PRELID2: variants seen among roughly 807,000 people sequenced by gnomAD.
The protein encoded by PRELID2 is PRELI domain containing 2.
A neutral mutation model predicts 28.4 loss-of-function variants in PRELID2; 25 were observed. The observed-to-expected ratio is 0.88, with a 90% CI of 0.64 to 1.23. The LOEUF is 1.23. Ranked by LOEUF, PRELID2 falls within the 50% of genes most tolerant of loss-of-function variation. The pLI, the probability that PRELID2 is intolerant of heterozygous loss-of-function variation, is 0.00. For synonymous variants in PRELID2, 76 were observed against 71.6 expected, an observed-to-expected ratio of 1.06 and a Z score of -0.31; for missense variants, 201 against 214.4, an observed-to-expected ratio of 0.94 and a Z score of 0.39.
intron 1 of PRELID2, among the ~76,000 whole-genome samples, chr5:145,666,806 T>C (rs944081955): frequency 3.3e-5 from 5 of 152,112 alleles, no homozygotes; most frequent in Non-Finnish European, 7.4e-5. Flanking sequence ...GAAGGAAATT[T>C]ATGTGTTGTA....
intron 1 of PRELID2, among the ~76,000 whole-genome samples, chr5:145,564,123 A>C (rs1409730955): frequency 6.6e-6 from 1 of 152,228 alleles, no homozygotes; most frequent in Non-Finnish European, 1.5e-5. Flanking sequence ...TTAGACAACC[A>C]AAGTTAAAAT....
intron 1 of PRELID2, among the ~76,000 whole-genome samples, chr5:145,587,517 C>T (rs1472160654): frequency 6.6e-6 from 1 of 152,118 alleles, no homozygotes; most frequent in African/African-American, 2.4e-5. Flanking sequence ...TCTAACTTTG[C>T]AGGAGATACT....
the PRELID2 span, among the ~76,000 whole-genome samples, chr5:145,282,647 G>C: frequency 2.8e-4 from 43 of 151,892 alleles, no homozygotes; most frequent in Admixed American, 2.8e-3. Context: ...AGCCTCCTGA[G>C]TACCTGGGAT....
the PRELID2 span, among the ~76,000 whole-genome samples, chr5:145,373,872 T>C: frequency 1.0e-5 from 1 of 98,000 alleles, no homozygotes; most frequent in Non-Finnish European, 1.9e-5. Context: ...TTACAACATA[T>C]ATAATATATA....
chr5:145,696,653 G>A (rs10070626), intron 1 of PRELID2, among the ~76,000 whole-genome samples: 18,354 of 151,646 alleles, frequency 0.12, 1,463 homozygotes, highest in East Asian at 0.32. Flanking sequence ...TTGTAGAGAC[G>A]GAGTTGCACC....
chr5:145,504,784 T>C (rs183540014), intron 1 of PRELID2, among the ~76,000 whole-genome samples: 12 of 152,330 alleles, frequency 7.9e-5, no homozygotes, highest in African/African-American at 2.6e-4. Context: ...TTGATTATTG[T>C]CTACTTCATT....
At chr5:145,667,037 G>A (rs192943696) in intron 1 of PRELID2, among the ~76,000 whole-genome samples, 17 of 152,164 alleles carry the variant, frequency 1.1e-4, no homozygotes, top group Admixed American at 9.8e-4. Context: ...AACAGGGAAT[G>A]AGAGGTCTCT....
the PRELID2 span, among the ~76,000 whole-genome samples, chr5:145,410,810 AAC>A: frequency 6.6e-6 from 1 of 152,114 alleles, no homozygotes; most frequent in South Asian, 2.1e-4. Flanking sequence ...TACATTAAAA[AAC>A]ACAGTCATAC....
At chr5:145,230,166 T>C in the PRELID2 span, 1 of 414,644 alleles carries the variant, frequency 2.4e-6, no homozygotes, top group Non-Finnish European at 4.6e-6. Context: ...GCTGGCAACC[T>C]AGTGGGGCTG....
chr5:145,384,192 T>C, the PRELID2 span, among the ~76,000 whole-genome samples: 3 of 152,160 alleles, frequency 2.0e-5, no homozygotes, highest in African/African-American at 4.8e-5. Flanking sequence ...GAACTGGGCA[T>C]TTCATACTTC....
At chr5:145,390,202 A>G in the PRELID2 span, among the ~76,000 whole-genome samples, 1 of 152,212 alleles carries the variant, frequency 6.6e-6, no homozygotes, top group African/African-American at 2.4e-5. Context: ...TGAAGCATGA[A>G]GGATTAGAAG....
the PRELID2 span, among the ~76,000 whole-genome samples, chr5:145,266,729 T>C: frequency 3.9e-5 from 6 of 152,174 alleles, no homozygotes; most frequent in Non-Finnish European, 8.8e-5. Flanking sequence ...ATGAAAAAGA[T>C]ACTTGCACAC....
chr5:145,813,920 G>C (rs1364436503), intron 4 of PRELID2, among the ~76,000 whole-genome samples: 1 of 152,098 alleles, frequency 6.6e-6, no homozygotes, highest in Non-Finnish European at 1.5e-5. Context: ...AGAATAAGTG[G>C]GAAAATATGT....
chr5:145,711,679 G>A (rs976036522), intron 1 of PRELID2, among the ~76,000 whole-genome samples: 1 of 152,014 alleles, frequency 6.6e-6, no homozygotes, highest in Non-Finnish European at 1.5e-5. Flanking sequence ...TAGGAGAACT[G>A]AGAGAATCCC....
intron 1 of PRELID2, among the ~76,000 whole-genome samples, chr5:145,489,238 T>C (rs1272491821): frequency 6.6e-6 from 1 of 152,222 alleles, no homozygotes; most frequent in African/African-American, 2.4e-5. Flanking sequence ...CAGTTTATCT[T>C]AATTTCAACT....
At chr5:145,642,919 A>C (rs62392281) in intron 1 of PRELID2, among the ~76,000 whole-genome samples, 10,876 of 151,922 alleles carry the variant, frequency 0.072, 989 homozygotes, top group African/African-American at 0.21. Context: ...GTTACTATAG[A>C]CTTGTAGTAT....
chr5:145,270,941 G>A, the PRELID2 span, among the ~76,000 whole-genome samples: 2 of 152,096 alleles, frequency 1.3e-5, no homozygotes, highest in Non-Finnish European at 2.9e-5. Flanking sequence ...ATGGCTGGGG[G>A]AGGCCTCAGG....
chr5:145,825,932 A>G (rs746893994), intron 1 of PRELID2: 3 of 729,944 alleles, frequency 4.1e-6, no homozygotes, highest in Non-Finnish European at 5.0e-6. Context: ...AAAATTTACC[A>G]AAACTCCCAT....
Position 145,835,246 on chromosome 5 carries a change from C to G in PRELID2, c.6G>C (p.Gly2=). Residue 2 remains glycine (G), a synonymous_variant, in exon 1 of 7, where the codon GGG becomes GGC. Transcript: ENST00000683046. ...ACACCTGGTGCACATCCACCGAGAC[C>G]CCCATCCCCGCGCGCCGCGGGCCCC... The part of the protein sequence containing the change: M[G]VSVDVHQVYK... 6.5e-7 allele frequency: 1 copy of G among 1,548,506 alleles called. No homozygotes were observed. Among genetic ancestry groups the G allele is most frequent in the South Asian group, 1.2e-5 (1 of 83,902 alleles).
Sources: allele counts gnomAD v4.1 joint callset (sites outside exome capture counted in the v4.1 genomes callset), GRCh38; gene constraint gnomAD v4.1.1; transcripts MANE v1.5; gene names NCBI Gene and HGNC (gene_info 2026-07-23, HGNC 2026-07-21).